The following ASCC3 variants were observed in gnomAD, a reference collection of about 807,000 sequenced individuals.
ASCC3 encodes ASC-1 complex subunit P200.
Under a neutral mutation model 256.3 loss-of-function variants are expected in ASCC3, and 158 were observed. The ratio of observed to expected loss-of-function variants is 0.62; its 90% CI spans 0.54 to 0.70. The LOEUF (loss-of-function observed/expected upper bound fraction) is 0.70. Ranked by LOEUF, ASCC3 falls within the 30% of genes least tolerant of loss-of-function variation. ASCC3 has a pLI of 0.00. For missense variants in ASCC3, 2,259 were observed against 2,626.0 expected, an observed-to-expected ratio of 0.86 and a Z score of 3.05; for synonymous variants, 948 against 883.4, an observed-to-expected ratio of 1.07 and a Z score of -1.30.
chr6:100,771,453 T>C (rs1242084014), intron 8 of ASCC3, among the ~76,000 whole-genome samples: 2 of 152,098 alleles, frequency 1.3e-5, no homozygotes, highest in Non-Finnish European at 2.9e-5. Flanking sequence ...ATCTTTAAGA[T>C]ACTGTTAAGA....
chr6:100,757,272 CCAA>C lies in ASCC3; in HGVS notation c.1737+9290_1737+9292del, dbSNP rs779591867. 3.0e-4 allele frequency among the ~76,000 whole-genome samples: 45 copies of C among 151,096 alleles called. 1 individual carries two copies. Among genetic ancestry groups the C allele is most frequent in the South Asian group, 2.5e-3 (12 of 4,798 alleles). On this transcript the variant is annotated intron_variant, in intron 10 of 41. Transcript: ENST00000369162. ...CACACAAACACACACACACACACCA[CCAA>C]CAACAACAACAAACACAGCTCAGTA...
chr6:100,681,176 C>T (rs368045823), intron 13 of ASCC3, among the ~76,000 whole-genome samples: 4 of 152,048 alleles, frequency 2.6e-5, no homozygotes, highest in African/African-American at 9.7e-5. Flanking sequence ...AACTGGAATG[C>T]TTAAATAACT....
intron 4 of ASCC3, among the ~76,000 whole-genome samples, chr6:100,836,394 A>C (rs2114473343): frequency 6.6e-6 from 1 of 152,214 alleles, no homozygotes; most frequent in South Asian, 2.1e-4. Flanking sequence ...GTCATATATT[A>C]GCTATGTTAT....
At position 100,662,029 on chromosome 6, in the gene ASCC3, C is replaced by T. The variant is rs571082753; in HGVS notation, c.2480G>A (p.Gly827Glu). Reference sequence around the variant, plus strand: ...TCTTTTTGCAGCATATATTTGTGTTCCCTAGATGAGGAAAAGTTAACAAAA... The same window carrying T: ...TCTTTTTGCAGCATATATTTGTGTTTCCTAGATGAGGAAAAGTTAACAAAA... Reference protein sequence around the residue: ...NLPAHAVIIKGTQIYAAKRGS... With the variant: ...NLPAHAVIIKETQIYAAKRGS... Residue 827 changes from glycine to glutamate, a missense_variant and splice_region_variant, in exon 16 of 42, where the codon GGA becomes GAA. Physicochemically the swap from Gly to Glu is moderately conservative, Grantham distance 98. This residue lies in a region of ASCC3 where 1,839 missense variants were observed against 2,206.7 expected (regional missense o/e 0.83). Coordinates refer to ENST00000369162, the MANE Select transcript of ASCC3 (RefSeq NM_006828.4). 1 of 1,612,544 alleles carries T rather than the reference C, an allele frequency of 6.2e-7. No homozygotes were observed. The highest frequency in any genetic ancestry group is 2.2e-5 in the East Asian group (1 of 44,836).
rs984686504 is a variant in ASCC3 at position 100,518,030 on chromosome 6, G to A, written c.5888C>T (p.Thr1963Ile). 1.9e-6 allele frequency: 3 copies of A among 1,613,546 alleles called. No homozygotes were observed. Among genetic ancestry groups the A allele is most frequent in the Non-Finnish European group, 2.5e-6 (3 of 1,179,576 alleles). The change falls in exon 38 of 42, where the codon ACA becomes ATA. Residue 1963 changes from threonine (T) to isoleucine (I), a missense_variant. Coordinates refer to ENST00000369162, the MANE Select transcript of ASCC3 (RefSeq NM_006828.4). ...GRWLKDSSLL[T>I]LPNIENHHLH... Reference sequence around the variant, plus strand: ...ATGATGGTTTTCTATGTTTGGTAGTGTAAGAAGAGAAGAGTCCTTTAACCA... The same window carrying A: ...ATGATGGTTTTCTATGTTTGGTAGTATAAGAAGAGAAGAGTCCTTTAACCA...
rs767280561 is a variant in ASCC3 at position 100,508,958 on chromosome 6, T to G, written c.*428A>C. 1.4e-5 allele frequency: 3 copies of G among 213,702 alleles called. No individual in the cohort carries two copies. Among genetic ancestry groups the G allele is most frequent in the Non-Finnish European group, 2.8e-5 (3 of 105,712 alleles). 13.2% of individuals were successfully genotyped at this position (213,702 alleles called of 1,614,324 possible). On this transcript the variant is annotated 3_prime_UTR_variant, in exon 42 of 42. Coordinates refer to ENST00000369162, the MANE Select transcript of ASCC3 (RefSeq NM_006828.4). ...ACACGCTGTGTACCACCTTACAGATTTATAGTTTATGCGGCAGAGTTAGAA... is the reference window on the plus strand; with the variant it reads ...ACACGCTGTGTACCACCTTACAGATGTATAGTTTATGCGGCAGAGTTAGAA...
intron 36 of ASCC3, among the ~76,000 whole-genome samples, chr6:100,567,117 AATTT>A (rs1322498077): frequency 6.6e-6 from 1 of 152,044 alleles, no homozygotes; most frequent in Non-Finnish European, 1.5e-5. Flanking sequence ...TTAAATATAT[AATTT>A]ACTTATTGAA....
chr6:100,570,069 T>C (rs952684869), intron 36 of ASCC3, among the ~76,000 whole-genome samples: 5 of 152,192 alleles, frequency 3.3e-5, no homozygotes, highest in African/African-American at 1.2e-4. Context: ...CATTCTTTAT[T>C]TGGCTCTCAG....
chr6:100,681,516 C>T (rs2114967590), intron 13 of ASCC3, among the ~76,000 whole-genome samples: 1 of 151,968 alleles, frequency 6.6e-6, no homozygotes, highest in East Asian at 1.9e-4. Context: ...ATCACAAGGT[C>T]AAGAGATTGA....
At chr6:100,594,568 T>A (rs1253050917) in intron 34 of ASCC3, among the ~76,000 whole-genome samples, 1 of 152,150 alleles carries the variant, frequency 6.6e-6, no homozygotes, top group East Asian at 1.9e-4. Context: ...GGAATCCTTG[T>A]ACATGGTTGC....
At chr6:100,762,888 T>C (rs990975964) in intron 10 of ASCC3, among the ~76,000 whole-genome samples, 1 of 152,158 alleles carries the variant, frequency 6.6e-6, no homozygotes, top group African/African-American at 2.4e-5. Flanking sequence ...TGAGATTAAT[T>C]TGCCTTCCTA....
chr6:100,741,839 C>T (rs1362130948), intron 10 of ASCC3, among the ~76,000 whole-genome samples: 4 of 152,182 alleles, frequency 2.6e-5, no homozygotes, highest in African/African-American at 9.6e-5. Context: ...TCCTTTAGCT[C>T]AGTGAAGTTT....
rs754758702 is a variant in ASCC3, at chr6:100,540,361, T to C, written c.5577A>G (p.Pro1859=). The change falls in exon 37 of 42, where the codon CCA becomes CCG. Residue 1859 remains proline (P), a synonymous_variant. Coordinates refer to ENST00000369162, the MANE Select transcript of ASCC3 (RefSeq NM_006828.4). ...LSDAEEYTDL[P]VRHNEDHMNS... is the part of the protein sequence containing the mutation. The stretch of plus-strand genomic sequence containing the variant: ...TCATATGATCTTCATTGTGTCTCAC[T>C]GGCAAATCTGTATATTCTTCTGCAT... The C allele has an allele frequency of 6.2e-7, 1 of 1,612,816 alleles. No homozygotes were observed. Among genetic ancestry groups the C allele is most frequent in the Non-Finnish European group, 8.5e-7 (1 of 1,179,592 alleles).
chr6:100,858,998 T>G, intron 3 of ASCC3: 1 of 696,956 alleles, frequency 1.4e-6, no homozygotes, highest in Non-Finnish European at 2.6e-6. Context: ...AAAGCCATCA[T>G]AGCATATAGA....
At chr6:100,692,891 C>A (rs1042238874) in intron 13 of ASCC3, among the ~76,000 whole-genome samples, 2 of 151,800 alleles carry the variant, frequency 1.3e-5, no homozygotes, top group Admixed American at 1.3e-4. Flanking sequence ...CTATTAAATA[C>A]CATCTTTGAA....
intron 26 of ASCC3, 139 bp from the exon 27 acceptor site, chr6:100,629,320 C>A: frequency 1.4e-6 from 1 of 734,982 alleles, no homozygotes; most frequent in Non-Finnish European, 2.2e-6. Flanking sequence ...TGAAATTTTC[C>A]AAGTTGAGTC....
At position 100,538,663 on chromosome 6, in the gene ASCC3, A is replaced by T. The variant is rs182611970; in HGVS notation, c.5775+1500T>A. On this transcript the variant is annotated intron_variant, in intron 37 of 41. Transcript: ENST00000369162. ...GGTATATGTTCATATACAGATATGG[A>T]CATTCTATACAAATGTAGAGTTCAT... Among the ~76,000 whole-genome samples, 173 of 152,208 alleles carry T rather than the reference A, an allele frequency of 1.1e-3. 1 individual carries two copies. Among genetic ancestry groups the T allele is most frequent in the Admixed American group, 2.5e-3 (38 of 15,296 alleles).
intron 15 of ASCC3, 106 bp from the exon 16 acceptor site, chr6:100,662,136 C>T: frequency 8.3e-7 from 1 of 1,204,908 alleles, no homozygotes; most frequent in Middle Eastern, 1.9e-4. Context: ...CAAAAGTGTA[C>T]TTTAACTAAT....
chr6:100,819,967 T>C (rs1348153444), intron 4 of ASCC3, among the ~76,000 whole-genome samples: 1 of 151,984 alleles, frequency 6.6e-6, no homozygotes, highest in African/African-American at 2.4e-5. Flanking sequence ...AAACTACAAA[T>C]ATTGCTGAAA....
Sources: allele counts gnomAD v4.1 joint callset (sites outside exome capture counted in the v4.1 genomes callset), GRCh38; gene constraint gnomAD v4.1.1; regional missense constraint gnomAD v4.1.1; transcripts MANE v1.5; gene names NCBI Gene and HGNC (gene_info 2026-07-23, HGNC 2026-07-21).